EIF4G3: variants seen among roughly 807,000 people sequenced by gnomAD.
EIF4G3 encodes eukaryotic translation initiation factor 4 gamma 3.
In EIF4G3, 34 loss-of-function variants were observed where a neutral mutation model predicts 186.4. That is an observed-to-expected ratio of 0.18 (90% CI 0.14 to 0.24). The LOEUF (loss-of-function observed/expected upper bound fraction) is 0.24, where lower values mean the gene tolerates loss of function less well. EIF4G3 is among the 10% of genes least tolerant of loss of function. EIF4G3 has a pLI of 1.00. For synonymous variants in EIF4G3, 673 were observed against 679.5 expected (o/e 0.99, Z 0.15); for missense variants, 1,536 against 1,948.5 (o/e 0.79, Z 3.99).
At chr1:20,925,325 A>T (rs1321875569) in intron 14 of EIF4G3, among the ~76,000 whole-genome samples, 4 of 152,214 alleles carry the variant, frequency 2.6e-5, no homozygotes, top group Non-Finnish European at 5.9e-5. Flanking sequence ...ATGATCAGGT[A>T]TACTGATTTA....
chr1:20,944,006 G>GTC (rs1558364385), intron 13 of EIF4G3, among the ~76,000 whole-genome samples: 2 of 149,350 alleles, frequency 1.3e-5, no homozygotes, highest in African/African-American at 4.9e-5. Flanking sequence ...GTGTGTGTGT[G>GTC]TGTGTGTGTG....
intron 4 of EIF4G3, among the ~76,000 whole-genome samples, chr1:21,007,217 G>A (rs1053539992): frequency 6.6e-6 from 1 of 151,988 alleles, no homozygotes; most frequent in Non-Finnish European, 1.5e-5. Flanking sequence ...GGCCAACATG[G>A]TGAAACCTCG....
intron 2 of EIF4G3, among the ~76,000 whole-genome samples, chr1:21,157,558 T>C (rs1356638205): frequency 6.6e-6 from 1 of 151,922 alleles, no homozygotes; most frequent in Non-Finnish European, 1.5e-5. Context: ...TTGGTCTTCC[T>C]ACTCCTAGGC....
intron 20 of EIF4G3, among the ~76,000 whole-genome samples, chr1:20,872,500 T>C (rs1035571500): frequency 4.6e-5 from 7 of 152,138 alleles, no homozygotes; most frequent in African/African-American, 1.7e-4. Flanking sequence ...TTTCACTCTA[T>C]TGCTTGTTTT....
chr1:20,957,744 A>C (rs999924058), intron 12 of EIF4G3, among the ~76,000 whole-genome samples: 2 of 152,132 alleles, frequency 1.3e-5, no homozygotes, highest in African/African-American at 4.8e-5. Flanking sequence ...AGAAATAAAA[A>C]ACATCACTCG....
At chr1:21,176,099 G>A in intron 2 of EIF4G3, 76 bp downstream of exon 2, 1 of 282,704 alleles carries the variant, frequency 3.5e-6, no homozygotes. Context: ...CCGGCAGGAG[G>A]GTCCCCTGGG....
At chr1:20,840,000 T>C (rs10799667) in intron 30 of EIF4G3, among the ~76,000 whole-genome samples, 3,957 of 152,028 alleles carry the variant, frequency 0.026, 167 homozygotes, top group African/African-American at 0.089. Context: ...GAGGATGAGA[T>C]GGCAGATGTT....
chr1:21,146,757 C>A (rs1183521803), intron 2 of EIF4G3, among the ~76,000 whole-genome samples: 1 of 151,554 alleles, frequency 6.6e-6, no homozygotes, highest in African/African-American at 2.4e-5. Flanking sequence ...AACTCCATCT[C>A]AAAAATAAAT....
chr1:21,005,472 T>C (rs972799037), intron 4 of EIF4G3, among the ~76,000 whole-genome samples: 6 of 152,162 alleles, frequency 3.9e-5, no homozygotes, highest in African/African-American at 1.4e-4. Flanking sequence ...TTTCTATACT[T>C]CAATTAGAGG....
Position 20,980,383 on chromosome 1 carries a change from T to G in EIF4G3, c.444A>C (p.Pro148=), listed in dbSNP as rs771074413. 6.5e-7 allele frequency: 1 copy of G among 1,548,516 alleles called. No individual in the cohort carries two copies. Among genetic ancestry groups the G allele is most frequent in the Non-Finnish European group, 8.6e-7 (1 of 1,158,820 alleles). ...PQQYPVQPPG[P]GPFYPGPGPG... The stretch of plus-strand genomic sequence containing the variant: ...GTCCTGGTCCAGGATAAAAAGGACC[T>G]GGCCCCGGTGGTTGAACTGGATATT... The change falls in exon 10 of 37, where the codon CCA becomes CCC. Residue 148 remains proline, a synonymous_variant. Transcript: ENST00000602326.
At chr1:20,921,969 T>C (rs1030480281) in intron 14 of EIF4G3, among the ~76,000 whole-genome samples, 1 of 152,246 alleles carries the variant, frequency 6.6e-6, no homozygotes, top group Non-Finnish European at 1.5e-5. Context: ...GAGTAGTAAA[T>C]GACAAAATTA....
At chr1:21,146,580 C>T (rs1054147375) in intron 2 of EIF4G3, among the ~76,000 whole-genome samples, 1 of 151,758 alleles carries the variant, frequency 6.6e-6, no homozygotes, top group Non-Finnish European at 1.5e-5. Context: ...AGCAACATGG[C>T]CAGTCTCTAC....
At chr1:21,081,659 T>C (rs868771470) in intron 3 of EIF4G3, among the ~76,000 whole-genome samples, 746 of 149,180 alleles carry the variant, frequency 5.0e-3, no homozygotes, top group Non-Finnish European at 7.3e-3. Context: ...TTTTTTTTTT[T>C]TGAAACAGAG....
intron 33 of EIF4G3, among the ~76,000 whole-genome samples, chr1:20,819,049 G>A (rs2061682516): frequency 6.6e-6 from 1 of 152,094 alleles, no homozygotes; most frequent in South Asian, 2.1e-4. Flanking sequence ...ACTACAGTGT[G>A]CACCACTGCA....
chr1:20,955,016 C>T (rs1220088657), intron 12 of EIF4G3, among the ~76,000 whole-genome samples: 1 of 152,136 alleles, frequency 6.6e-6, no homozygotes, highest in Non-Finnish European at 1.5e-5. Context: ...TACGAAGATT[C>T]TAAAAGGAAG....
rs1557926144 is a variant in EIF4G3 at position 20,853,578 on chromosome 1, G to A, written c.3533C>T (p.Ser1178Phe). The A allele has an allele frequency of 6.2e-7, 1 of 1,613,234 alleles. No homozygotes were observed. Among genetic ancestry groups the A allele is most frequent in the Non-Finnish European group, 8.5e-7 (1 of 1,179,270 alleles). Reference protein sequence around the residue: ...STPSTPVEFDSRRTLTSRGSM... With the variant: ...STPSTPVEFDFRRTLTSRGSM... Reference sequence around the variant, plus strand: ...TTCTCACCTAGTTAAGGTCCTTCGGGAATCAAACTCTACAGGCGTGGATGG... The same window carrying A: ...TTCTCACCTAGTTAAGGTCCTTCGGAAATCAAACTCTACAGGCGTGGATGG... Residue 1178 changes from serine (S) to phenylalanine (F), a missense_variant, in exon 27 of 37, where the codon TCC becomes TTC. This residue lies in a region of EIF4G3 where 395 missense variants were observed against 498.9 expected (regional missense o/e 0.79). Coordinates refer to ENST00000602326, the MANE Select transcript of EIF4G3 (RefSeq NM_001391906.1).
intron 29 of EIF4G3, among the ~76,000 whole-genome samples, chr1:20,845,779 T>A (rs2070766115): frequency 6.6e-6 from 1 of 152,194 alleles, no homozygotes; most frequent in Non-Finnish European, 1.5e-5. Flanking sequence ...GCCTTGGCTA[T>A]TTGGGCTCCT....
chr1:20,946,265 A>G (rs1436457970), intron 13 of EIF4G3, among the ~76,000 whole-genome samples: 3 of 152,224 alleles, frequency 2.0e-5, no homozygotes, highest in African/African-American at 7.2e-5. Flanking sequence ...GGTGCTTTCA[A>G]CAGGCACTAA....
At chr1:21,149,926 G>A (rs753477843) in intron 2 of EIF4G3, among the ~76,000 whole-genome samples, 11 of 152,234 alleles carry the variant, frequency 7.2e-5, no homozygotes, top group Non-Finnish European at 1.2e-4. Flanking sequence ...CCTGCTCAGT[G>A]AATGACAGCA....
Sources: allele counts gnomAD v4.1 joint callset (sites outside exome capture counted in the v4.1 genomes callset), GRCh38; gene constraint gnomAD v4.1.1; regional missense constraint gnomAD v4.1.1; transcripts MANE v1.5; gene names NCBI Gene and HGNC (gene_info 2026-07-23, HGNC 2026-07-21).